The following NTN1 variants were observed in gnomAD, a reference collection of about 807,000 sequenced individuals.
The protein encoded by NTN1 is netrin 1.
In NTN1, 11 loss-of-function variants were observed where a neutral mutation model predicts 54.2. The ratio of observed to expected loss-of-function variants is 0.20; its 90% CI spans 0.13 to 0.34. NTN1 has a LOEUF of 0.34. NTN1 is among the 10% of genes least tolerant of loss of function. The pLI is 1.00. For synonymous variants in NTN1, 371 were observed against 382.0 expected (o/e 0.97, Z 0.33); for missense variants, 740 against 893.1 (o/e 0.83, Z 2.18).
rs1363253564 is a variant in NTN1, at chr17:9,198,964, GA to G, written c.1411+15997del. Among the ~76,000 whole-genome samples the G allele has an allele frequency of 2.6e-5, 4 of 152,252 alleles. No individual in the cohort carries two copies. The East Asian group carries it at 5.8e-4, about 22-fold the overall frequency. Reference sequence around the variant, plus strand: ...CTACCAGCTCCTGTTAGAAGCTGGGGAACAGTGACTTGGGCCCCTTGGGACA... The same window carrying G: ...CTACCAGCTCCTGTTAGAAGCTGGGGACAGTGACTTGGGCCCCTTGGGACA... On this transcript the variant is annotated intron_variant, in intron 5 of 6. Transcript: ENST00000173229.
intron 2 of NTN1, among the ~76,000 whole-genome samples, chr17:9,046,794 T>C (rs1246862782): frequency 6.6e-6 from 1 of 151,746 alleles, no homozygotes; most frequent in Non-Finnish European, 1.5e-5. Context: ...TCCAAAAAAA[T>C]AAATAAATAA....
At chr17:9,218,394 G>A (rs1486555288) in intron 5 of NTN1, among the ~76,000 whole-genome samples, 3 of 152,222 alleles carry the variant, frequency 2.0e-5, no homozygotes, top group Admixed American at 6.5e-5. Context: ...CATTAGTTTC[G>A]TGAGAGTAGC....
intron 2 of NTN1, among the ~76,000 whole-genome samples, chr17:9,033,602 G>A (rs1156804732): frequency 2.8e-5 from 3 of 107,454 alleles, no homozygotes; most frequent in South Asian, 3.1e-4. Context: ...CGAGACTGCC[G>A]TCTCTACAAA....
At chr17:9,074,756 C>T (rs1335010721) in intron 2 of NTN1, among the ~76,000 whole-genome samples, 3 of 152,200 alleles carry the variant, frequency 2.0e-5, no homozygotes, top group African/African-American at 4.8e-5. Context: ...CCAGATTTGA[C>T]ACCCAAGGGT....
chr17:9,167,854 C>T lies in NTN1; in HGVS notation c.1207+4853C>T, dbSNP rs892993719. Among the ~76,000 whole-genome samples the T allele has an allele frequency of 8.5e-5, 13 of 152,284 alleles. No homozygotes were observed. The East Asian group carries it at 1.9e-3, about 23-fold the overall frequency. ...GTGATTCTCCACCTTCACTGTATGG[C>T]GTCATCAGCATTATTTGTCTGTAAC... On this transcript the variant is annotated intron_variant, in intron 3 of 6. Transcript: ENST00000173229.
rs555484533 is a variant in NTN1, at chr17:9,070,853, A to G, written c.1018+47462A>G. Among the ~76,000 whole-genome samples the G allele has an allele frequency of 1.9e-4, 29 of 152,210 alleles. No homozygotes were observed. The South Asian group carries it at 6.0e-3, about 32-fold the overall frequency. Reference sequence around the variant, plus strand: ...GTGATCTGCCCGCCTCCGCCTCCCAAAGTGCTGGGATTACAGGCATGAGCC... The same window carrying G: ...GTGATCTGCCCGCCTCCGCCTCCCAGAGTGCTGGGATTACAGGCATGAGCC... On this transcript the variant is annotated intron_variant, in intron 2 of 6. Transcript: ENST00000173229.
In NTN1 at chr17:9,135,964, G is replaced by C. The variant is rs1204192324; in HGVS notation, c.1019-26849G>C. 6.6e-6 allele frequency among the ~76,000 whole-genome samples: 1 copy of C among 152,178 alleles called. No individual in the cohort carries two copies. Among genetic ancestry groups the C allele is most frequent in the Non-Finnish European group, 1.5e-5 (1 of 68,034 alleles). ...CACGCTCACTCATACATGTGTGCAC[G>C]TGCCTACTCAAACTCGACACCCATC... On this transcript the variant is annotated intron_variant, in intron 2 of 6. Coordinates refer to ENST00000173229, the MANE Select transcript of NTN1 (RefSeq NM_004822.3). The surrounding 1 kb of genome is among the most constrained non-coding windows in gnomAD (Gnocchi z 4.4).
intron 6 of NTN1, among the ~76,000 whole-genome samples, chr17:9,226,517 T>TCTCGTGGGGAGGCGGTCTCGTGGGGAGGC (rs1905566244): frequency 1.8e-5 from 1 of 54,584 alleles, no homozygotes; most frequent in Non-Finnish European, 2.9e-5. Flanking sequence ...CGTGGGGAGG[T>TCTCGTGGGGAGGCGGTCTCGTGGGGAGGC]GGTCTCGTGG....
chr17:9,224,575 G>A (rs1386559789), intron 6 of NTN1, among the ~76,000 whole-genome samples: 1 of 152,222 alleles, frequency 6.6e-6, no homozygotes, highest in Non-Finnish European at 1.5e-5. Flanking sequence ...CAGTTACCCA[G>A]CCAGGGAGTG....
chr17:9,236,125 G>GA (rs901377545), intron 6 of NTN1, among the ~76,000 whole-genome samples: 3 of 46,654 alleles, frequency 6.4e-5, no homozygotes, highest in Non-Finnish European at 1.6e-4. Context: ...ATAAGAATTT[G>GA]GGGGGGGGGG....
chr17:9,124,395 C>CG (rs1272590341), intron 2 of NTN1, among the ~76,000 whole-genome samples: 1 of 152,220 alleles, frequency 6.6e-6, no homozygotes, highest in African/African-American at 2.4e-5. Flanking sequence ...GGCTTCTCTC[C>CG]GGATTCCACT....
intron 2 of NTN1, among the ~76,000 whole-genome samples, chr17:9,034,977 C>T (rs1473238721): frequency 4.0e-5 from 6 of 151,486 alleles, no homozygotes; most frequent in East Asian, 2.0e-4. Flanking sequence ...GACGGAGTTT[C>T]GCTCTGTCGC....
At position 9,166,357 on chromosome 17, in the gene NTN1, T is replaced by C. The variant is rs1415598370; in HGVS notation, c.1207+3356T>C. On this transcript the variant is annotated intron_variant, in intron 3 of 6. Transcript: ENST00000173229. ...GGCTCTGGCTTTTTTTTTTTTTTTT[T>C]TTGAGATGGAGTCTCACTCTGTTGT... Among the ~76,000 whole-genome samples, 12 of 149,386 alleles carry C rather than the reference T, an allele frequency of 8.0e-5. No homozygotes were observed. In the South Asian group the frequency reaches 2.6e-3, roughly 32 times the overall value.
chr17:9,088,041 C>T (rs1353111871), intron 2 of NTN1, among the ~76,000 whole-genome samples: 1 of 152,154 alleles, frequency 6.6e-6, no homozygotes, highest in South Asian at 2.1e-4. Context: ...GAGGCAGGAA[C>T]GAGGCTGCCT....
At position 9,179,870 on chromosome 17, in the gene NTN1, C is replaced by A; in HGVS notation, c.1271C>A (p.Pro424His). 6.2e-7 allele frequency: 1 copy of A among 1,614,126 alleles called. No individual in the cohort carries two copies. Among genetic ancestry groups the A allele is most frequent in the Non-Finnish European group, 8.5e-7 (1 of 1,180,034 alleles). ...KTCNQTTGQC[P>H]CKDGVTGITC... is the part of the protein sequence containing the mutation. ...TGCAACCAAACCACCGGCCAGTGTC[C>A]CTGCAAGGACGGCGTGACGGGTATC... The change falls in exon 4 of 7, where the codon CCC (proline) becomes CAC (histidine). Residue 424 changes from proline to histidine, a missense_variant. Pro to His is a moderately conservative substitution (Grantham distance 77). Transcript: ENST00000173229.
At chr17:9,038,233 C>T (rs12602701) in intron 2 of NTN1, among the ~76,000 whole-genome samples, 89,039 of 148,240 alleles carry the variant, frequency 0.6, 27,260 homozygotes, top group East Asian at 0.71. Context: ...GTCTCTCTCT[C>T]TTTCTCTGTC....
chr17:9,210,173 C>T (rs959317120), intron 5 of NTN1, among the ~76,000 whole-genome samples: 7 of 152,136 alleles, frequency 4.6e-5, no homozygotes, highest in African/African-American at 1.7e-4. Context: ...GTCCCTGAAC[C>T]ATGCCGAGCT....
chr17:9,182,409 A>G (rs2092421142), intron 4 of NTN1, among the ~76,000 whole-genome samples: 1 of 152,264 alleles, frequency 6.6e-6, no homozygotes, highest in African/African-American at 2.4e-5. Flanking sequence ...GTGAGGCTGT[A>G]GGAACCTGGG....
At position 9,023,929 on chromosome 17, in the gene NTN1, A is replaced by T. The variant is rs114856546; in HGVS notation, c.1018+538A>T. On this transcript the variant is annotated intron_variant, in intron 2 of 6. Transcript: ENST00000173229. ...CCTCCATTTGTCTTTTCATGATTTG[A>T]AACTATTTTTGTCTCTCTTTTGAAC... Among the ~76,000 whole-genome samples the T allele has an allele frequency of 3.2e-3, 491 of 152,346 alleles. 3 individuals carry two copies. The highest frequency in any genetic ancestry group is 0.011 in the African/African-American group (466 of 41,582).
Sources: gnomAD v4.1 joint callset for allele counts (sites outside exome capture counted in the v4.1 genomes callset) on GRCh38, gnomAD v4.1.1 for gene constraint, Gnocchi (gnomAD v3.1) non-coding constraint, MANE v1.5 for transcripts, NCBI Gene and HGNC (gene_info 2026-07-23, HGNC 2026-07-21) for gene names.